RAPGEF2: variants seen among roughly 807,000 people sequenced by gnomAD.
The protein encoded by RAPGEF2 is Rap guanine nucleotide exchange factor 2, also known as PDZ domain containing guanine nucleotide exchange factor (GEF) 1.
RAPGEF2 carries 54 observed loss-of-function variants against 186.7 expected under a neutral mutation model. The ratio of observed to expected loss-of-function variants is 0.29; its 90% confidence interval spans 0.23 to 0.36. The LOEUF (loss-of-function observed/expected upper bound fraction) is 0.36, where lower values mean the gene tolerates loss of function less well. Ranked by LOEUF, RAPGEF2 falls within the 10% of genes least tolerant of loss-of-function variation. RAPGEF2 has a pLI of 1.00. For missense variants in RAPGEF2, 1,532 were observed against 2,045.0 expected (o/e 0.75, Z 4.84); for synonymous variants, 712 against 705.9 (o/e 1.01, Z -0.14).
chr4:159,315,976 A>G (rs1175666544), intron 9 of RAPGEF2, among the ~76,000 whole-genome samples: 1 of 152,128 alleles, frequency 6.6e-6, no homozygotes, highest in Non-Finnish European at 1.5e-5. Flanking sequence ...AGTCTTCTCT[A>G]AACTCCCCCT....
chr4:159,202,240 G>C (rs921821022), intron 3 of RAPGEF2, among the ~76,000 whole-genome samples: 1 of 152,070 alleles, frequency 6.6e-6, no homozygotes, highest in Non-Finnish European at 1.5e-5. Context: ...CACTCCCCTG[G>C]GCCGCTTCAG....
intron 9 of RAPGEF2, among the ~76,000 whole-genome samples, chr4:159,317,127 G>C (rs906607211): frequency 1.3e-5 from 2 of 151,924 alleles, no homozygotes; most frequent in African/African-American, 2.4e-5. Context: ...ACATGTATGA[G>C]GAAAAACTTT....
intron 1 of RAPGEF2, among the ~76,000 whole-genome samples, chr4:159,141,424 A>G (rs1186749170): frequency 6.6e-6 from 1 of 152,040 alleles, no homozygotes; most frequent in African/African-American, 2.4e-5. Context: ...AGCAGTCCCG[A>G]AGGATGAACA....
At chr4:159,205,666 T>C (rs1749895809) in intron 3 of RAPGEF2, among the ~76,000 whole-genome samples, 1 of 152,134 alleles carries the variant, frequency 6.6e-6, no homozygotes, top group Non-Finnish European at 1.5e-5. Flanking sequence ...TTTAAACATG[T>C]GTAGCACTTC....
chr4:159,357,771 T>C (rs1257654610), intron 29 of RAPGEF2, among the ~76,000 whole-genome samples: 2 of 152,246 alleles, frequency 1.3e-5, no homozygotes, highest in East Asian at 1.9e-4. Context: ...AATGTTGTTA[T>C]ATATTCTAGA....
At chr4:159,206,012 C>T (rs1045811273) in intron 3 of RAPGEF2, among the ~76,000 whole-genome samples, 3 of 151,950 alleles carry the variant, frequency 2.0e-5, no homozygotes, top group Non-Finnish European at 4.4e-5. Context: ...TCACTGCAAG[C>T]TCCGCCTCCC....
chr4:159,295,744 TGTGTGTGTGTGC>T lies in RAPGEF2; in HGVS notation c.544-8596_544-8585del, dbSNP rs770799875. 1.9e-3 allele frequency among the ~76,000 whole-genome samples: 246 copies of T among 132,726 alleles called. 1 individual carries two copies. Among genetic ancestry groups the T allele is most frequent in the Admixed American group, 2.6e-3 (36 of 14,060 alleles). 87.1% of individuals were successfully genotyped at this position (132,726 alleles called of 152,430 possible). ...GAGTGTGTGTGTGTGTGTGTGTGTG[TGTGTGTGTGTGC>T]GCGCGCGCGCGCGCGCGCATGCACA... On this transcript the variant is annotated intron_variant, in intron 7 of 29. Transcript: ENST00000691494.
chr4:159,353,663 C>T lies in RAPGEF2; in HGVS notation c.4268C>T (p.Thr1423Met), dbSNP rs202214904. The T allele has an allele frequency of 1.1e-4, 172 of 1,585,824 alleles. No homozygotes were observed. The highest frequency in any genetic ancestry group is 1.4e-4 in the Non-Finnish European group (162 of 1,167,528). ...AGTGGCTCCCATGATAATATACAGA[C>T]GATCCAGCACCAGAGAAGCTGGGAG... ...CSSGSHDNIQ[T>M]IQHQRSWETL... Residue 1423 changes from threonine (T) to methionine (M), a missense_variant, in exon 28 of 30, where the codon ACG becomes ATG. This residue lies in a region of RAPGEF2 where 594 missense variants were observed against 608.5 expected (regional missense o/e 0.98). Coordinates refer to ENST00000691494, the MANE Select transcript of RAPGEF2 (RefSeq NM_001394067.2). The surrounding 1 kb of genome is among the most constrained non-coding windows in gnomAD (Gnocchi z 4.3).
chr4:159,161,899 T>C (rs1003179846), intron 1 of RAPGEF2, among the ~76,000 whole-genome samples: 19 of 152,190 alleles, frequency 1.2e-4, no homozygotes, highest in Admixed American at 9.8e-4. Flanking sequence ...TTAAGACTTT[T>C]AAAAAGTGAG....
At chr4:159,175,697 G>A (rs1487521965) in intron 1 of RAPGEF2, among the ~76,000 whole-genome samples, 1 of 152,154 alleles carries the variant, frequency 6.6e-6, no homozygotes, top group East Asian at 1.9e-4. Flanking sequence ...TAGGAAGGAC[G>A]GTTGGTCCAG....
intron 1 of RAPGEF2, among the ~76,000 whole-genome samples, chr4:159,181,814 G>A (rs998029765): frequency 6.6e-6 from 1 of 152,158 alleles, no homozygotes; most frequent in Non-Finnish European, 1.5e-5. Context: ...TGGGATTACA[G>A]GTGTGTGAGC....
At chr4:159,147,579 T>C (rs1411341254) in intron 1 of RAPGEF2, among the ~76,000 whole-genome samples, 1 of 152,092 alleles carries the variant, frequency 6.6e-6, no homozygotes, top group Non-Finnish European at 1.5e-5. Context: ...ATAGAGCAAA[T>C]CAAGAATTTG....
intron 3 of RAPGEF2, among the ~76,000 whole-genome samples, chr4:159,206,089 C>T (rs1184587547): frequency 3.3e-5 from 5 of 152,228 alleles, no homozygotes; most frequent in Middle Eastern, 6.8e-3. Context: ...CCACCATGCC[C>T]GGCTAATTTT....
chr4:159,161,951 T>G (rs950637865), intron 1 of RAPGEF2, among the ~76,000 whole-genome samples: 6 of 152,178 alleles, frequency 3.9e-5, no homozygotes, highest in African/African-American at 1.4e-4. Flanking sequence ...TTCTAAACTT[T>G]TATAGTCTTT....
At chr4:159,264,266 T>TGA (rs1382218009) in intron 7 of RAPGEF2, among the ~76,000 whole-genome samples, 1 of 152,174 alleles carries the variant, frequency 6.6e-6, no homozygotes, top group Admixed American at 6.5e-5. Context: ...GGAGCCAGGC[T>TGA]GAGAGAGAGA....
Position 159,345,130 on chromosome 4 carries a change from T to C in RAPGEF2, c.3303T>C (p.Asn1101=), listed in dbSNP as rs1429051708. The C allele has an allele frequency of 1.2e-6, 2 of 1,614,080 alleles. No individual in the cohort carries two copies. The highest frequency in any genetic ancestry group is 1.7e-6 in the Non-Finnish European group (2 of 1,179,934). ...SLGSLSQGST[N]ATVLDVAQTG... is the part of the protein sequence containing the mutation. ...GGTCTCTCAGCCAGGGTAGTACAAA[T>C]GCAACAGTGCTAGATGTTGCTCAGA... is the stretch of plus-strand genomic sequence containing the variant. Residue 1101 remains asparagine, a synonymous_variant, in exon 24 of 30, where the codon AAT becomes AAC. Coordinates refer to ENST00000691494, the MANE Select transcript of RAPGEF2 (RefSeq NM_001394067.2).
chr4:159,286,907 A>G (rs1760579587), intron 7 of RAPGEF2, among the ~76,000 whole-genome samples: 1 of 152,078 alleles, frequency 6.6e-6, no homozygotes, highest in Non-Finnish European at 1.5e-5. Context: ...GTCTTTCCCC[A>G]CTGGAATGCA....
At chr4:159,306,939 T>TC (rs5863357) in intron 8 of RAPGEF2, among the ~76,000 whole-genome samples, 152,181 of 152,308 alleles carry the variant, frequency 1, 76,027 homozygotes, top group East Asian at 1. Flanking sequence ...GCTATGGGAT[T>TC]CAAAACTGTT....
At chr4:159,310,812 A>G (rs1046069700) in intron 8 of RAPGEF2, among the ~76,000 whole-genome samples, 4 of 152,090 alleles carry the variant, frequency 2.6e-5, no homozygotes, top group African/African-American at 9.7e-5. Context: ...CGTCTGTTTT[A>G]GTGTCTTTAT....
Sources: gnomAD v4.1 joint callset for allele counts (sites outside exome capture counted in the v4.1 genomes callset) on GRCh38, gnomAD v4.1.1 for gene constraint, gnomAD v4.1.1 regional missense constraint, Gnocchi (gnomAD v3.1) non-coding constraint, MANE v1.5 for transcripts, NCBI Gene and HGNC (gene_info 2026-07-23, HGNC 2026-07-21) for gene names.